SLC35F1: variants seen among roughly 807,000 people sequenced by gnomAD.
SLC35F1 encodes chromosome 6 open reading frame 169.
A neutral mutation model predicts 48.7 loss-of-function variants in SLC35F1; 14 were observed. The ratio of observed to expected loss-of-function variants is 0.29; its 90% CI spans 0.19 to 0.45. SLC35F1 has a LOEUF of 0.45. Ranked by LOEUF, SLC35F1 falls within the 20% of genes least tolerant of loss-of-function variation. The pLI is 1.00. For synonymous variants in SLC35F1, 190 were observed against 202.2 expected (o/e 0.94, Z 0.51); for missense variants, 404 against 500.0 (o/e 0.81, Z 1.83).
intron 3 of SLC35F1, among the ~76,000 whole-genome samples, chr6:118,250,998 T>G (rs1775567479): frequency 6.6e-6 from 1 of 150,398 alleles, no homozygotes; most frequent in African/African-American, 2.5e-5. Context: ...GAGAAAGAAA[T>G]GAGTCATGGC....
intron 1 of SLC35F1, among the ~76,000 whole-genome samples, chr6:117,935,677 CA>C (rs1776154984): frequency 6.6e-6 from 1 of 151,998 alleles, no homozygotes; most frequent in African/African-American, 2.4e-5. Context: ...GTGAAATCAC[CA>C]ACAAAATGCA....
intron 7 of SLC35F1, among the ~76,000 whole-genome samples, chr6:118,310,685 A>T (rs1337938000): frequency 6.6e-6 from 1 of 152,156 alleles, no homozygotes; most frequent in Non-Finnish European, 1.5e-5. Context: ...AGATACTTCC[A>T]CCATATAAAA....
At chr6:118,304,382 A>G (rs998741736) in intron 7 of SLC35F1, among the ~76,000 whole-genome samples, 6 of 82,234 alleles carry the variant, frequency 7.3e-5, no homozygotes, top group South Asian at 4.1e-4. Context: ...AAAAAAAAAA[A>G]GAAGAAGAAA....
At chr6:118,112,662 A>G (rs951811734) in intron 1 of SLC35F1, among the ~76,000 whole-genome samples, 1 of 152,188 alleles carries the variant, frequency 6.6e-6, no homozygotes, top group Non-Finnish European at 1.5e-5. Context: ...AACTTGGATT[A>G]GTCATTAATG....
chr6:117,915,759 G>A (rs1022847881), intron 1 of SLC35F1, among the ~76,000 whole-genome samples: 15 of 152,138 alleles, frequency 9.9e-5, no homozygotes, highest in Non-Finnish European at 1.2e-4. Context: ...TACTCTGGGG[G>A]AAAATCTATA....
intron 2 of SLC35F1, among the ~76,000 whole-genome samples, chr6:118,195,160 C>T (rs1239966830): frequency 6.6e-6 from 1 of 152,164 alleles, no homozygotes; most frequent in Non-Finnish European, 1.5e-5. Context: ...GCCTCTAACC[C>T]AAACTTATCC....
chr6:118,115,891 T>C (rs1420487167), intron 1 of SLC35F1, among the ~76,000 whole-genome samples: 3 of 152,202 alleles, frequency 2.0e-5, no homozygotes, highest in Non-Finnish European at 4.4e-5. Context: ...AAAGCGTTAA[T>C]GTTAAAAAGT....
rs141501621 is a variant in SLC35F1 at position 118,189,049 on chromosome 6, C to T, written c.349+34429C>T. ...ACCTCAACCTCTCAAGTAGCTGGGA[C>T]TACAGGTGTGAACCACCATGCCTGG... On this transcript the variant is annotated intron_variant, in intron 2 of 7. Coordinates refer to ENST00000360388, the MANE Select transcript of SLC35F1 (RefSeq NM_001029858.4). 4.7e-3 allele frequency among the ~76,000 whole-genome samples: 715 copies of T among 152,218 alleles called. 3 individuals are homozygous for T. Among genetic ancestry groups the T allele is most frequent in the African/African-American group, 0.016 (679 of 41,552 alleles).
intron 1 of SLC35F1, among the ~76,000 whole-genome samples, chr6:117,973,858 A>G (rs1203786474): frequency 6.6e-6 from 1 of 152,240 alleles, no homozygotes; most frequent in East Asian, 1.9e-4. Context: ...TTTTAGTCCA[A>G]TAGTCAGAAT....
chr6:118,227,271 G>T (rs1017795184), intron 2 of SLC35F1, among the ~76,000 whole-genome samples: 2 of 152,218 alleles, frequency 1.3e-5, no homozygotes, highest in Non-Finnish European at 2.9e-5. Context: ...CTACTTTTCA[G>T]AGCAAGAACC....
intron 1 of SLC35F1, among the ~76,000 whole-genome samples, chr6:118,071,144 C>A (rs1366787194): frequency 7.8e-6 from 1 of 127,488 alleles, no homozygotes; most frequent in Non-Finnish European, 1.6e-5. Context: ...CATATATATA[C>A]ATTCTATGTA....
Position 118,271,138 on chromosome 6 carries a change from C to T in SLC35F1, c.637+3984C>T, listed in dbSNP as rs980093505. On this transcript the variant is annotated intron_variant, in intron 4 of 7. Coordinates refer to ENST00000360388, the MANE Select transcript of SLC35F1 (RefSeq NM_001029858.4). ...AATGACACTTTTTATTGAGTGCCCACAGGTGTCAGGTACTTTATTATATAT... is the reference window on the plus strand; with the variant it reads ...AATGACACTTTTTATTGAGTGCCCATAGGTGTCAGGTACTTTATTATATAT... Among the ~76,000 whole-genome samples, 4 of 152,234 alleles carry T rather than the reference C, an allele frequency of 2.6e-5. No individual in the cohort carries two copies. The South Asian group carries it at 6.2e-4, about 24-fold the overall frequency.
At chr6:117,968,736 C>G (rs1166167190) in intron 1 of SLC35F1, among the ~76,000 whole-genome samples, 2 of 152,046 alleles carry the variant, frequency 1.3e-5, no homozygotes, top group Non-Finnish European at 2.9e-5. Flanking sequence ...ATGGTATAAA[C>G]CTGCTGTTTC....
intron 2 of SLC35F1, among the ~76,000 whole-genome samples, chr6:118,220,968 G>A (rs904535243): frequency 6.6e-6 from 1 of 152,098 alleles, no homozygotes; most frequent in Non-Finnish European, 1.5e-5. Context: ...CAACATGTTT[G>A]TCACACGACA....
At chr6:117,973,094 G>A (rs1776663673) in intron 1 of SLC35F1, among the ~76,000 whole-genome samples, 1 of 152,154 alleles carries the variant, frequency 6.6e-6, no homozygotes, top group Non-Finnish European at 1.5e-5. Context: ...ACAGGAGGCT[G>A]GAAGTCCAAG....
chr6:118,135,126 G>C (rs1479154201), intron 1 of SLC35F1, among the ~76,000 whole-genome samples: 2 of 152,070 alleles, frequency 1.3e-5, no homozygotes, highest in Non-Finnish European at 2.9e-5. Flanking sequence ...ATCCTGCTAG[G>C]CATTTTGTAA....
chr6:117,999,125 A>G (rs923750730), intron 1 of SLC35F1: 5 of 1,591,144 alleles, frequency 3.1e-6, no homozygotes, highest in African/African-American at 1.3e-5. Flanking sequence ...GAAGCACAAC[A>G]AAAAGGGCCT....
chr6:118,260,837 T>A (rs1055185239), intron 3 of SLC35F1, among the ~76,000 whole-genome samples: 9 of 152,238 alleles, frequency 5.9e-5, no homozygotes, highest in Non-Finnish European at 1.2e-4. Flanking sequence ...CTATTTCTTC[T>A]ACAAAATATG....
chr6:117,939,090 C>T (rs1325613852), intron 1 of SLC35F1, among the ~76,000 whole-genome samples: 1 of 147,974 alleles, frequency 6.8e-6, no homozygotes, highest in Non-Finnish European at 1.5e-5. Context: ...GGCTCAAAAT[C>T]TTGAGCTCAA....
Sources: gnomAD v4.1 joint callset for allele counts (sites outside exome capture counted in the v4.1 genomes callset) on GRCh38, gnomAD v4.1.1 for gene constraint, MANE v1.5 for transcripts, NCBI Gene and HGNC (gene_info 2026-07-23, HGNC 2026-07-21) for gene names.